Variants in ARMC8 observed in about 807,000 individuals in gnomAD.
ARMC8 encodes the protein armadillo repeat-containing protein 8.
Under a neutral mutation model 99.3 loss-of-function variants are expected in ARMC8, and 20 were observed. The ratio of observed to expected loss-of-function variants is 0.20; its 90% CI spans 0.14 to 0.29. ARMC8 has a LOEUF of 0.29. ARMC8 is among the 10% of genes least tolerant of loss of function. ARMC8 has a pLI of 1.00. For missense variants in ARMC8, 569 were observed against 809.5 expected, an observed-to-expected ratio of 0.70 and a Z score of 3.60; for synonymous variants, 263 against 278.3, an observed-to-expected ratio of 0.95 and a Z score of 0.55.
intron 12 of ARMC8, among the ~76,000 whole-genome samples, chr3:138,256,332 C>T (rs540235960): frequency 6.6e-6 from 1 of 151,856 alleles, no homozygotes; most frequent in African/African-American, 2.4e-5. Flanking sequence ...TACCCCCAAC[C>T]AAAGCTGAAT....
chr3:138,218,436 G>A (rs1396113397), intron 2 of ARMC8, among the ~76,000 whole-genome samples: 1 of 152,080 alleles, frequency 6.6e-6, no homozygotes, highest in Non-Finnish European at 1.5e-5. Flanking sequence ...AAGCGAACTT[G>A]TTTTTCAGTT....
intron 10 of ARMC8, among the ~76,000 whole-genome samples, chr3:138,240,728 G>A (rs113665282): frequency 2.6e-5 from 4 of 152,304 alleles, no homozygotes; most frequent in African/African-American, 9.6e-5. Context: ...ATATAAAAGA[G>A]CAAAGCACAG....
At chr3:138,229,336 C>CT (rs71304266) in intron 6 of ARMC8, among the ~76,000 whole-genome samples, 3,711 of 132,606 alleles carry the variant, frequency 0.028, 67 homozygotes, top group Non-Finnish European at 0.044. Flanking sequence ...CTCCCTCATT[C>CT]TTTTTTTTTT....
chr3:138,215,582 C>T (rs2108050345), intron 2 of ARMC8, among the ~76,000 whole-genome samples: 1 of 152,202 alleles, frequency 6.6e-6, no homozygotes, highest in African/African-American at 2.4e-5. Flanking sequence ...ACTGTTCTAA[C>T]ACATTTTTTA....
Position 138,228,975 on chromosome 3 carries a change from G to C in ARMC8, c.493G>C (p.Glu165Gln), listed in dbSNP as rs755052807. The change falls in exon 6 of 22, where the codon GAG becomes CAG. Residue 165 changes from glutamate (E) to glutamine (Q), a missense_variant. This residue lies in a region of ARMC8 where 342 missense variants were observed against 391.6 expected (regional missense o/e 0.87). Transcript: ENST00000469044. ...ALLSRSRYTQ[E>Q]YICQIFSHCC... ...GCTTAGCAGGTCCCGCTATACCCAGGAGTACATCTGTCAGATCTTCTCACA... is the reference window on the plus strand; with the variant it reads ...GCTTAGCAGGTCCCGCTATACCCAGCAGTACATCTGTCAGATCTTCTCACA... The C allele has an allele frequency of 1.4e-5, 23 of 1,609,630 alleles. No homozygotes were observed. Among genetic ancestry groups the C allele is most frequent in the Non-Finnish European group, 1.9e-5 (22 of 1,177,714 alleles).
intron 5 of ARMC8, among the ~76,000 whole-genome samples, chr3:138,226,850 C>T (rs978766974): frequency 4.6e-5 from 7 of 152,122 alleles, no homozygotes; most frequent in African/African-American, 1.2e-4. Flanking sequence ...AAAATTGAGA[C>T]CCCTGGAGGT....
At chr3:138,248,700 T>G (rs765093643) in intron 12 of ARMC8, among the ~76,000 whole-genome samples, 1 of 152,146 alleles carries the variant, frequency 6.6e-6, no homozygotes, top group Non-Finnish European at 1.5e-5. Context: ...ACCAGTTAAG[T>G]TGGAAGTTGA....
chr3:138,240,904 G>A (rs531431506), intron 10 of ARMC8, among the ~76,000 whole-genome samples: 1 of 152,150 alleles, frequency 6.6e-6, no homozygotes, highest in African/African-American at 2.4e-5. Context: ...TAAAAAATTA[G>A]CCAGGAGTGG....
chr3:138,197,041 A>G (rs1191300659), intron 1 of ARMC8, among the ~76,000 whole-genome samples: 1 of 152,220 alleles, frequency 6.6e-6, no homozygotes, highest in Non-Finnish European at 1.5e-5. Flanking sequence ...GTTCACAGAA[A>G]GGGCATTGTG....
chr3:138,188,269 C>A lies in ARMC8; in HGVS notation c.45+670C>A, dbSNP rs867075849. On this transcript the variant is annotated intron_variant, in intron 1 of 21. Transcript: ENST00000469044. ...CTCTATGTTCCCTGTGCCTGGTATT[C>A]CGTTTTTCTTTAAGGGGAGTCAAAC... 1.9e-5 allele frequency: 14 copies of A among 736,096 alleles called. No individual in the cohort carries two copies. The South Asian group carries it at 2.9e-4, about 15-fold the overall frequency. 45.6% of individuals were successfully genotyped at this position (736,096 alleles called of 1,614,324 possible).
rs376050725 is a variant in ARMC8, at chr3:138,227,670, A to G, written c.436-1248A>G. Among the ~76,000 whole-genome samples, 8 of 152,236 alleles carry G rather than the reference A, an allele frequency of 5.3e-5. No homozygotes were observed. The East Asian group carries it at 1.5e-3, about 29-fold the overall frequency. The stretch of plus-strand genomic sequence containing the variant: ...AAAATCCCAAATCTTATTCCTCCCA[A>G]CAAGGGTGTTCTTTTAAGTTTTTTT... On this transcript the variant is annotated intron_variant, in intron 5 of 21. Coordinates refer to ENST00000469044, the MANE Select transcript of ARMC8 (RefSeq NM_001363941.2).
At chr3:138,260,934 T>C (rs976074662) in intron 12 of ARMC8, among the ~76,000 whole-genome samples, 4 of 152,240 alleles carry the variant, frequency 2.6e-5, no homozygotes, top group African/African-American at 4.8e-5. Flanking sequence ...TCCCAAGTTA[T>C]CACTTCTCAT....
At chr3:138,276,634 A>G (rs2049322837) in intron 18 of ARMC8, among the ~76,000 whole-genome samples, 1 of 152,202 alleles carries the variant, frequency 6.6e-6, no homozygotes, top group Admixed American at 6.5e-5. Flanking sequence ...CTAGCAGTGA[A>G]CAATTGGATA....
intron 19 of ARMC8, among the ~76,000 whole-genome samples, chr3:138,288,635 C>CTTTTTT (rs547726493): frequency 9.1e-6 from 1 of 109,676 alleles, no homozygotes; most frequent in Non-Finnish European, 1.9e-5. Context: ...CTTCTTCAGA[C>CTTTTTT]TTTTTTTTTT....
chr3:138,187,536 C>A lies in ARMC8; in HGVS notation c.-19C>A. 1 of 1,535,574 alleles carries A rather than the reference C, an allele frequency of 6.5e-7. No individual in the cohort carries two copies. The highest frequency in any genetic ancestry group is 1.2e-5 in the South Asian group (1 of 84,054). ...GCCCCCGCGCCGGCGCCTGCAGCAG[C>A]CGGGTGGGAAGGCTCAAGATGGCGT... On this transcript the variant is annotated 5_prime_UTR_variant, in exon 1 of 22. Coordinates refer to ENST00000469044, the MANE Select transcript of ARMC8 (RefSeq NM_001363941.2).
chr3:138,215,870 T>G (rs983771624), intron 2 of ARMC8, among the ~76,000 whole-genome samples: 13 of 149,808 alleles, frequency 8.7e-5, no homozygotes, highest in Admixed American at 2.7e-4. Flanking sequence ...TTATTTATTG[T>G]TTTTTTTTGA....
At chr3:138,207,549 A>G (rs902493126) in intron 1 of ARMC8, among the ~76,000 whole-genome samples, 1 of 152,208 alleles carries the variant, frequency 6.6e-6, no homozygotes, top group Admixed American at 6.5e-5. Flanking sequence ...ATCAAAATCA[A>G]TCTCTGGATA....
chr3:138,255,046 C>G (rs1387252445), intron 12 of ARMC8, among the ~76,000 whole-genome samples: 1 of 152,026 alleles, frequency 6.6e-6, no homozygotes, highest in Admixed American at 6.6e-5. Context: ...AGGCTAGATG[C>G]TGATTTAATT....
chr3:138,228,662 A>G (rs778735264), intron 5 of ARMC8: 18 of 489,996 alleles, frequency 3.7e-5, no homozygotes, highest in Non-Finnish European at 6.0e-5. Context: ...GATGTAGGCA[A>G]TTTTTGAGAG....
Sources: gnomAD v4.1 joint callset for allele counts (sites outside exome capture counted in the v4.1 genomes callset) on GRCh38, gnomAD v4.1.1 for gene constraint, gnomAD v4.1.1 regional missense constraint, MANE v1.5 for transcripts, NCBI Gene and HGNC (gene_info 2026-07-23, HGNC 2026-07-21) for gene names.